The following DDR2 variants were observed in gnomAD, a reference collection of about 807,000 sequenced individuals.
DDR2 encodes discoidin domain receptor tyrosine kinase 2.
A neutral mutation model predicts 94.9 loss-of-function variants in DDR2; 27 were observed. That is an observed-to-expected ratio of 0.28 (90% confidence interval 0.21 to 0.39). The LOEUF (loss-of-function observed/expected upper bound fraction) is 0.39. DDR2 is among the 10% of genes least tolerant of loss of function. The probability of loss-of-function intolerance (pLI) is 1.00; values close to 1 mark genes in which losing one functional copy is unlikely to be tolerated. For synonymous variants in DDR2, 382 were observed against 377.2 expected (o/e 1.01, Z -0.15); for missense variants, 783 against 1,076.0 (o/e 0.73, Z 3.81).
chr1:162,702,511 A>T (rs1660476999), intron 2 of DDR2, among the ~76,000 whole-genome samples: 1 of 152,168 alleles, frequency 6.6e-6, no homozygotes, highest in African/African-American at 2.4e-5. Context: ...CATTCATCGA[A>T]TGTCTGTTAC....
chr1:162,758,144 G>A (rs1019119735), intron 7 of DDR2, among the ~76,000 whole-genome samples: 3 of 151,916 alleles, frequency 2.0e-5, no homozygotes, highest in Admixed American at 6.6e-5. Context: ...GAAGGTAGCC[G>A]GAATTATGGC....
Position 162,761,391 on chromosome 1 carries a change from A to G in DDR2, c.1036A>G (p.Ile346Val). The G allele has an allele frequency of 6.2e-7, 1 of 1,614,204 alleles. No homozygotes were observed. Among genetic ancestry groups the G allele is most frequent in the Non-Finnish European group, 8.5e-7 (1 of 1,180,026 alleles). ...TCTCCACCACCGAATGGCCAGTGCCATCAAGTGTCAATACCATTTTGCAGA... is the reference window on the plus strand; with the variant it reads ...TCTCCACCACCGAATGGCCAGTGCCGTCAAGTGTCAATACCATTTTGCAGA... ...VPLHHRMASA[I>V]KCQYHFADTW... Residue 346 changes from isoleucine to valine, a missense_variant, in exon 9 of 18, where the codon ATC becomes GTC. Coordinates refer to ENST00000367921, the MANE Select transcript of DDR2 (RefSeq NM_006182.4).
chr1:162,637,666 T>C (rs1337997329), intron 1 of DDR2, among the ~76,000 whole-genome samples: 1 of 152,218 alleles, frequency 6.6e-6, no homozygotes, highest in Non-Finnish European at 1.5e-5. Context: ...GTTATGTAGC[T>C]ACAGTTTGAG....
At chr1:162,639,075 C>T (rs185778181) in intron 1 of DDR2, among the ~76,000 whole-genome samples, 140 of 152,186 alleles carry the variant, frequency 9.2e-4, no homozygotes, top group African/African-American at 3.2e-3. Context: ...AAGTGATTCT[C>T]CTGTCTCAGC....
chr1:162,717,541 C>G (rs78818485), intron 2 of DDR2, among the ~76,000 whole-genome samples: 2,724 of 152,232 alleles, frequency 0.018, 78 homozygotes, highest in African/African-American at 0.062. Flanking sequence ...TGTCCTTTGT[C>G]TGGATATAAC....
intron 2 of DDR2, among the ~76,000 whole-genome samples, chr1:162,668,825 G>A (rs996306478): frequency 2.0e-5 from 3 of 152,136 alleles, no homozygotes; most frequent in Non-Finnish European, 4.4e-5. Flanking sequence ...TTTGGAAATA[G>A]GGTCTTTCTT....
intron 8 of DDR2, 51 bp from the exon 9 acceptor site, chr1:162,761,160 A>G (rs761046324): frequency 1.9e-6 from 3 of 1,612,510 alleles, no homozygotes; most frequent in Non-Finnish European, 2.5e-6. Context: ...CTGTGTCTCC[A>G]TGCACCTTAG....
At chr1:162,762,449 A>G (rs928027848) in intron 9 of DDR2, among the ~76,000 whole-genome samples, 1 of 152,218 alleles carries the variant, frequency 6.6e-6, no homozygotes, top group Non-Finnish European at 1.5e-5. Flanking sequence ...TTGTGATACT[A>G]AGATTGATTT....
intron 2 of DDR2, among the ~76,000 whole-genome samples, chr1:162,665,668 T>G (rs1431279753): frequency 1.3e-5 from 2 of 151,710 alleles, no homozygotes; most frequent in Non-Finnish European, 2.9e-5. Context: ...GTCAACTCCA[T>G]GGGGAGGAAA....
chr1:162,735,846 T>G (rs771587789), intron 3 of DDR2, among the ~76,000 whole-genome samples: 15 of 152,240 alleles, frequency 9.9e-5, no homozygotes, highest in Non-Finnish European at 2.1e-4. Flanking sequence ...GAATGAGCAG[T>G]ACGTTAGAAG....
intron 3 of DDR2, among the ~76,000 whole-genome samples, chr1:162,723,550 T>C (rs1373597100): frequency 1.3e-5 from 2 of 152,126 alleles, no homozygotes; most frequent in Non-Finnish European, 2.9e-5. Flanking sequence ...TGAATAGAAC[T>C]ATCCTGATGA....
intron 12 of DDR2, among the ~76,000 whole-genome samples, chr1:162,771,036 C>T (rs1472510400): frequency 6.6e-6 from 1 of 152,174 alleles, no homozygotes; most frequent in African/African-American, 2.4e-5. Context: ...CTTTGGTAAA[C>T]GTTTATTAGA....
rs1648002206 is a variant in DDR2 at position 162,783,284 on chromosome 1, C to G, written c.*3038C>G. The G allele has an allele frequency of 6.6e-6, 1 of 152,042 alleles. No homozygotes were observed. The highest frequency in any genetic ancestry group is 1.5e-5 in the Non-Finnish European group (1 of 68,018). 9.4% of individuals were successfully genotyped at this position (152,042 alleles called of 1,614,324 possible). ...CCAGACACATATGATCAGAAAAGATCTAGAGTGCAAAGAGGTGCCTGAGGA... is the reference window on the plus strand; with the variant it reads ...CCAGACACATATGATCAGAAAAGATGTAGAGTGCAAAGAGGTGCCTGAGGA... On this transcript the variant is annotated 3_prime_UTR_variant, in exon 18 of 18. Coordinates refer to ENST00000367921, the MANE Select transcript of DDR2 (RefSeq NM_006182.4).
chr1:162,641,981 C>T (rs551753704), intron 1 of DDR2, among the ~76,000 whole-genome samples: 56 of 152,244 alleles, frequency 3.7e-4, no homozygotes, highest in Non-Finnish European at 6.9e-4. Context: ...GACAGAGTCT[C>T]TCCCTGTCGC....
At chr1:162,778,771 T>C (rs748224406) in intron 17 of DDR2, 42 bp downstream of exon 17, 2 of 1,613,044 alleles carry the variant, frequency 1.2e-6, no homozygotes, top group Non-Finnish European at 1.7e-6. Flanking sequence ...CCTGTGTACC[T>C]TGAAGGATGG....
chr1:162,696,486 C>G (rs1209905413), intron 2 of DDR2, among the ~76,000 whole-genome samples: 2 of 151,956 alleles, frequency 1.3e-5, no homozygotes, highest in Non-Finnish European at 2.9e-5. Context: ...CTGTTTCCCT[C>G]TCGGTGTCAT....
intron 2 of DDR2, among the ~76,000 whole-genome samples, chr1:162,669,872 A>G (rs796628186): frequency 5.6e-4 from 86 of 152,300 alleles, no homozygotes; most frequent in African/African-American, 2.0e-3. Context: ...TATTTTCTCT[A>G]TGAGTGCATT....
chr1:162,776,896 A>T (rs1469172551), intron 16 of DDR2, among the ~76,000 whole-genome samples: 1 of 152,082 alleles, frequency 6.6e-6, no homozygotes, highest in Admixed American at 6.5e-5. Flanking sequence ...TTAGAGGTAT[A>T]TTTTCTGTCC....
At chr1:162,750,010 A>G (rs965630300) in intron 3 of DDR2, among the ~76,000 whole-genome samples, 2 of 151,346 alleles carry the variant, frequency 1.3e-5, no homozygotes, top group African/African-American at 4.8e-5. Context: ...GGTAAGAGCT[A>G]TTTATGACAA....
Sources: gnomAD v4.1 joint callset for allele counts (sites outside exome capture counted in the v4.1 genomes callset) on GRCh38, gnomAD v4.1.1 for gene constraint, MANE v1.5 for transcripts, NCBI Gene and HGNC (gene_info 2026-07-23, HGNC 2026-07-21) for gene names.